The following DCC variants were observed in gnomAD, a reference collection of about 807,000 sequenced individuals.
DCC encodes the protein DCC netrin 1 receptor.
DCC carries 58 observed loss-of-function variants against 172.5 expected under a neutral mutation model. The observed-to-expected ratio is 0.34, with a 90% CI of 0.27 to 0.42. DCC has a LOEUF of 0.42. Ranked by LOEUF, DCC falls within the 10% of genes least tolerant of loss-of-function variation. The probability of loss-of-function intolerance (pLI) is 1.00; values close to 1 mark genes in which losing one functional copy is unlikely to be tolerated. For missense variants in DCC, 1,740 were observed against 1,791.0 expected, an observed-to-expected ratio of 0.97 and a Z score of 0.51; for synonymous variants, 709 against 644.5, an observed-to-expected ratio of 1.10 and a Z score of -1.52.
At chr18:52,727,371 G>A (rs1259268967) in intron 1 of DCC, among the ~76,000 whole-genome samples, 10 of 152,130 alleles carry the variant, frequency 6.6e-5, no homozygotes, top group Admixed American at 6.5e-4. Flanking sequence ...GTTTCCAAGA[G>A]TTAGGATAAG....
chr18:53,162,571 G>A (rs555736940), intron 8 of DCC, among the ~76,000 whole-genome samples: 2 of 152,190 alleles, frequency 1.3e-5, no homozygotes, highest in South Asian at 2.1e-4. Context: ...ACCTCATCAC[G>A]TAGCACTTTC....
At chr18:53,381,615 C>T (rs1405048023) in intron 15 of DCC, among the ~76,000 whole-genome samples, 7 of 124,052 alleles carry the variant, frequency 5.6e-5, no homozygotes, top group African/African-American at 1.8e-4. Flanking sequence ...TTTGTTGTTG[C>T]TCTAAAGGTT....
intron 5 of DCC, among the ~76,000 whole-genome samples, chr18:52,932,215 C>T (rs572145512): frequency 1.3e-5 from 2 of 152,216 alleles, no homozygotes; most frequent in African/African-American, 4.8e-5. Context: ...ATGTTCAATA[C>T]GTCCAGCTTT....
At chr18:52,585,443 T>C (rs2033647715) in intron 1 of DCC, among the ~76,000 whole-genome samples, 1 of 152,240 alleles carries the variant, frequency 6.6e-6, no homozygotes, top group African/African-American at 2.4e-5. Context: ...CTTCTGTTCA[T>C]AGCAGTAAAA....
At chr18:52,805,213 G>A (rs546301279) in intron 2 of DCC, among the ~76,000 whole-genome samples, 15 of 152,256 alleles carry the variant, frequency 9.9e-5, no homozygotes, top group African/African-American at 3.1e-4. Flanking sequence ...TTCTCTCTGT[G>A]CCTTTCAACG....
intron 2 of DCC, among the ~76,000 whole-genome samples, chr18:52,864,541 G>A (rs541593876): frequency 6.6e-6 from 1 of 152,092 alleles, no homozygotes; most frequent in South Asian, 2.1e-4. Flanking sequence ...TATACTTTGA[G>A]TTCTGGGATA....
chr18:53,529,765 T>C (rs990880704), intron 28 of DCC, among the ~76,000 whole-genome samples: 14 of 152,176 alleles, frequency 9.2e-5, no homozygotes, highest in African/African-American at 1.4e-4. Context: ...GAAACAGAAT[T>C]CCTAAGCCTA....
At chr18:53,089,848 A>G (rs190630577) in intron 7 of DCC, among the ~76,000 whole-genome samples, 33 of 152,312 alleles carry the variant, frequency 2.2e-4, no homozygotes, top group Admixed American at 1.8e-3. Context: ...AATCATTTTT[A>G]TGTCACAGGT....
intron 1 of DCC, among the ~76,000 whole-genome samples, chr18:52,353,866 G>T (rs939331952): frequency 3.3e-5 from 5 of 152,184 alleles, no homozygotes; most frequent in African/African-American, 9.7e-5. Context: ...GGTAGTAAAT[G>T]AGTAGAGCTT....
intron 4 of DCC, among the ~76,000 whole-genome samples, chr18:52,924,129 T>A (rs185838448): frequency 6.6e-6 from 1 of 151,952 alleles, no homozygotes; most frequent in Admixed American, 6.6e-5. Flanking sequence ...GTCCAAAGAG[T>A]CTTCAGCAGA....
intron 20 of DCC, among the ~76,000 whole-genome samples, chr18:53,412,214 T>C (rs952396839): frequency 3.3e-5 from 5 of 152,204 alleles, no homozygotes; most frequent in African/African-American, 1.2e-4. Context: ...AAAGAGTTAT[T>C]TCTAATACCC....
chr18:52,941,972 A>G (rs764472327), intron 5 of DCC, among the ~76,000 whole-genome samples: 2 of 151,916 alleles, frequency 1.3e-5, no homozygotes, highest in Non-Finnish European at 2.9e-5. Flanking sequence ...TAGTAGAGAC[A>G]AGGTTTCACC....
intron 9 of DCC, among the ~76,000 whole-genome samples, chr18:53,186,151 A>G (rs1326145945): frequency 3.3e-5 from 5 of 152,180 alleles, no homozygotes; most frequent in African/African-American, 1.2e-4. Context: ...TGGTATAACC[A>G]AACATCTAGA....
chr18:53,108,301 T>C (rs754199960), intron 7 of DCC, among the ~76,000 whole-genome samples: 28 of 151,782 alleles, frequency 1.8e-4, no homozygotes, highest in Non-Finnish European at 3.5e-4. Flanking sequence ...TGCTTGCCTA[T>C]GTTTCACACC....
At chr18:52,767,792 T>C (rs2037278181) in intron 2 of DCC, among the ~76,000 whole-genome samples, 1 of 152,216 alleles carries the variant, frequency 6.6e-6, no homozygotes, top group African/African-American at 2.4e-5. Flanking sequence ...ATTATTTATG[T>C]TGCCTGTGTA....
At chr18:53,021,098 C>T (rs777727651) in intron 5 of DCC, among the ~76,000 whole-genome samples, 23 of 152,236 alleles carry the variant, frequency 1.5e-4, no homozygotes, top group African/African-American at 4.3e-4. Flanking sequence ...AACCCACTGA[C>T]GGCCTGAGGG....
intron 7 of DCC, among the ~76,000 whole-genome samples, chr18:53,124,961 C>G (rs1383348006): frequency 6.7e-5 from 10 of 149,878 alleles, no homozygotes; most frequent in Non-Finnish European, 1.5e-5. Context: ...CAGAGTGAGA[C>G]TCCATCTCAA....
At chr18:52,817,097 T>G (rs1162556443) in intron 2 of DCC, among the ~76,000 whole-genome samples, 1 of 152,146 alleles carries the variant, frequency 6.6e-6, no homozygotes, top group Non-Finnish European at 1.5e-5. Flanking sequence ...TGATCCAAAT[T>G]ATTTATTGTT....
At chr18:52,351,544 A>G (rs941982930) in intron 1 of DCC, among the ~76,000 whole-genome samples, 31 of 152,176 alleles carry the variant, frequency 2.0e-4, no homozygotes, top group Admixed American at 4.6e-4. Context: ...TGAAAAGTGT[A>G]CAGAGCTAGA....
Sources: allele counts gnomAD v4.1 joint callset (sites outside exome capture counted in the v4.1 genomes callset), GRCh38; gene constraint gnomAD v4.1.1; transcripts MANE v1.5; gene names NCBI Gene and HGNC (gene_info 2026-07-23, HGNC 2026-07-21).